JAM3: variants seen among roughly 807,000 people sequenced by gnomAD.
The protein encoded by JAM3 is junctional adhesion molecule 3.
JAM3 carries 31 observed loss-of-function variants against 39.4 expected under a neutral mutation model. The observed-to-expected ratio is 0.79, with a 90% CI of 0.59 to 1.06. The LOEUF is 1.06. JAM3 is among the 50% of genes least tolerant of loss of function. The pLI is 0.00. For missense variants in JAM3, 455 were observed against 391.4 expected, an observed-to-expected ratio of 1.16 and a Z score of -1.37; for synonymous variants, 182 against 148.7, an observed-to-expected ratio of 1.22 and a Z score of -1.63.
At chr11:134,148,913 G>T in intron 8 of JAM3, 95 bp downstream of exon 8, 1 of 1,306,204 alleles carries the variant, frequency 7.7e-7, no homozygotes, top group South Asian at 1.2e-5. Flanking sequence ...GAAGATTTCT[G>T]AGTGATTGTG....
chr11:134,104,419 T>C (rs1462090776), intron 1 of JAM3, among the ~76,000 whole-genome samples: 1 of 152,076 alleles, frequency 6.6e-6, no homozygotes, highest in East Asian at 1.9e-4. Flanking sequence ...AGATCTAAAA[T>C]TGACGCCCTA....
At chr11:134,084,700 A>G (rs1256718338) in intron 1 of JAM3, among the ~76,000 whole-genome samples, 1 of 152,198 alleles carries the variant, frequency 6.6e-6, no homozygotes, top group South Asian at 2.1e-4. Context: ...AGGCAGATTT[A>G]AAGGGAAGCT....
chr11:134,116,802 A>G (rs1178760546), intron 1 of JAM3, among the ~76,000 whole-genome samples: 2 of 151,952 alleles, frequency 1.3e-5, no homozygotes, highest in African/African-American at 4.8e-5. Flanking sequence ...ACATATCTAT[A>G]CTATTTCTCT....
chr11:134,076,928 G>C (rs1392088881), intron 1 of JAM3, among the ~76,000 whole-genome samples: 1 of 147,820 alleles, frequency 6.8e-6, no homozygotes, highest in Non-Finnish European at 1.5e-5. Flanking sequence ...TCTGCCTCTT[G>C]GGTTCAAGCG....
intron 1 of JAM3, among the ~76,000 whole-genome samples, chr11:134,078,599 C>G (rs1941612196): frequency 6.6e-6 from 1 of 151,604 alleles, no homozygotes; most frequent in Non-Finnish European, 1.5e-5. Flanking sequence ...GCAGAAGGGC[C>G]CTCCAGGGCA....
At chr11:134,102,063 T>C (rs868130791) in intron 1 of JAM3, among the ~76,000 whole-genome samples, 10 of 152,114 alleles carry the variant, frequency 6.6e-5, no homozygotes, top group African/African-American at 2.2e-4. Flanking sequence ...GTAAAAATTA[T>C]AGTAACCTAT....
intron 1 of JAM3, among the ~76,000 whole-genome samples, chr11:134,138,853 TC>T (rs1942921890): frequency 1.3e-5 from 2 of 152,190 alleles, no homozygotes; most frequent in African/African-American, 4.8e-5. Context: ...AAAGAAAAGA[TC>T]CATGTAGCTG....
At chr11:134,107,264 T>G (rs561255682) in intron 1 of JAM3, among the ~76,000 whole-genome samples, 7 of 152,008 alleles carry the variant, frequency 4.6e-5, no homozygotes, top group East Asian at 3.9e-4. Context: ...TTGTCACTCA[T>G]AGGTGGGAAT....
At chr11:134,131,692 C>A (rs985991644) in intron 1 of JAM3, among the ~76,000 whole-genome samples, 5 of 152,002 alleles carry the variant, frequency 3.3e-5, no homozygotes, top group African/African-American at 1.2e-4. Flanking sequence ...GGACAAAGAA[C>A]TAAAGGCAAT....
At chr11:134,121,199 A>T (rs1942525496) in intron 1 of JAM3, among the ~76,000 whole-genome samples, 1 of 152,212 alleles carries the variant, frequency 6.6e-6, no homozygotes, top group Admixed American at 6.5e-5. Flanking sequence ...TATTTTAAAC[A>T]AGCGAAGTGA....
At chr11:134,107,902 GA>G (rs1942228968) in intron 1 of JAM3, among the ~76,000 whole-genome samples, 1 of 151,594 alleles carries the variant, frequency 6.6e-6, no homozygotes, top group Non-Finnish European at 1.5e-5. Flanking sequence ...AAAAAAATCA[GA>G]AAAAGAACAC....
intron 1 of JAM3, among the ~76,000 whole-genome samples, chr11:134,071,034 T>C (rs765064130): frequency 7.2e-5 from 11 of 152,252 alleles, no homozygotes; most frequent in Non-Finnish European, 1.3e-4. Context: ...TGCTTTAAGC[T>C]ACCCTAAAAC....
chr11:134,089,022 G>A (rs908914032), intron 1 of JAM3, among the ~76,000 whole-genome samples: 2 of 152,196 alleles, frequency 1.3e-5, no homozygotes, highest in African/African-American at 4.8e-5. Context: ...AGCCATATAG[G>A]TGATTGTAAG....
chr11:134,075,565 G>A (rs1459537894), intron 1 of JAM3, among the ~76,000 whole-genome samples: 4 of 152,012 alleles, frequency 2.6e-5, no homozygotes, highest in African/African-American at 9.7e-5. Flanking sequence ...TTTGTTTCAC[G>A]GGCTCTGGAG....
At chr11:134,143,355 G>A (rs1433949125) in intron 3 of JAM3, among the ~76,000 whole-genome samples, 1 of 152,074 alleles carries the variant, frequency 6.6e-6, no homozygotes, top group Non-Finnish European at 1.5e-5. Flanking sequence ...TCTTATTTGT[G>A]TATTTTCTTT....
chr11:134,124,718 T>TA (rs879043468), intron 1 of JAM3, among the ~76,000 whole-genome samples: 60 of 148,594 alleles, frequency 4.0e-4, no homozygotes, highest in South Asian at 1.3e-3. Context: ...TGCTTGCAAT[T>TA]AAAAAAAAAA....
chr11:134,125,148 C>G (rs1942621311), intron 1 of JAM3, among the ~76,000 whole-genome samples: 1 of 152,188 alleles, frequency 6.6e-6, no homozygotes, highest in African/African-American at 2.4e-5. Flanking sequence ...CCCGGACGGA[C>G]AACGGCTACA....
intron 6 of JAM3, chr11:134,148,308 G>A (rs1943116608): frequency 1.8e-6 from 1 of 568,050 alleles, no homozygotes; most frequent in Non-Finnish European, 3.1e-6. Flanking sequence ...ACTTTTCAGT[G>A]CGACTGCATT....
intron 1 of JAM3, among the ~76,000 whole-genome samples, chr11:134,096,493 T>C (rs900178990): frequency 1.4e-4 from 22 of 152,174 alleles, no homozygotes; most frequent in African/African-American, 5.1e-4. Flanking sequence ...CAGTACATAG[T>C]AGTGTTTTAT....
Sources: gnomAD v4.1 joint callset for allele counts (sites outside exome capture counted in the v4.1 genomes callset) on GRCh38, gnomAD v4.1.1 for gene constraint, MANE v1.5 for transcripts, NCBI Gene and HGNC (gene_info 2026-07-23, HGNC 2026-07-21) for gene names.